Variants in PPP1R9A observed in about 807,000 individuals in gnomAD.
The protein encoded by PPP1R9A is neurabin-1.
In PPP1R9A, 59 loss-of-function variants were observed where a neutral mutation model predicts 141.9. The observed-to-expected ratio is 0.42, with a 90% CI of 0.34 to 0.52. PPP1R9A has a LOEUF of 0.52. Ranked by LOEUF, PPP1R9A falls within the 20% of genes least tolerant of loss-of-function variation. The pLI is 0.10. For synonymous variants in PPP1R9A, 500 were observed against 569.7 expected (o/e 0.88, Z 1.74); for missense variants, 1,444 against 1,611.9 (o/e 0.90, Z 1.78).
chr7:94,931,146 A>G (rs941048631), intron 2 of PPP1R9A, among the ~76,000 whole-genome samples: 3 of 152,184 alleles, frequency 2.0e-5, no homozygotes, highest in African/African-American at 7.2e-5. Flanking sequence ...ATACATGAAT[A>G]TTATTCTTCA....
At chr7:94,961,081 ATATGAT>A (rs1431550018) in intron 2 of PPP1R9A, among the ~76,000 whole-genome samples, 4 of 151,552 alleles carry the variant, frequency 2.6e-5, no homozygotes, top group African/African-American at 9.7e-5. Context: ...TTGAGTAGTG[ATATGAT>A]GTATTTAGTC....
intron 2 of PPP1R9A, among the ~76,000 whole-genome samples, chr7:94,984,917 G>A (rs184420011): frequency 2.4e-4 from 37 of 152,126 alleles, no homozygotes; most frequent in African/African-American, 8.2e-4. Flanking sequence ...TCTTTTAATT[G>A]TGATGTTAGG....
Position 94,956,855 on chromosome 7 carries a change from T to C in PPP1R9A, c.1395+45347T>C, listed in dbSNP as rs377103135. Among the ~76,000 whole-genome samples the C allele has an allele frequency of 7.9e-5, 12 of 152,246 alleles. No homozygotes were observed. The South Asian group carries it at 2.3e-3, about 29-fold the overall frequency. On this transcript the variant is annotated intron_variant, in intron 2 of 19. Coordinates refer to ENST00000433360, the MANE Select transcript of PPP1R9A (RefSeq NM_001166160.2). ...ATGTTTTGAATAGAAATCAACCAGA[T>C]GAGCTAGCATTAAAGTTTGGATTCC...
chr7:95,286,279 C>T lies in PPP1R9A; in HGVS notation c.3683C>T (p.Pro1228Leu), dbSNP rs1456128280. Residue 1228 changes from proline (P) to leucine (L), a missense_variant, in exon 18 of 20, where the codon CCT (proline) becomes CTT (leucine). By Grantham distance (98) the Pro-to-Leu change is moderately conservative. This residue lies in a region of PPP1R9A where 459 missense variants were observed against 513.8 expected (regional missense o/e 0.89). Transcript: ENST00000433360. The stretch of plus-strand genomic sequence containing the variant: ...GACCTCAGCGGCTTAGGAGCAGAAC[C>T]TAAAACACCAGGGCTCTCTCAGTCC... ...SADLSGLGAE[P>L]KTPGLSQSLA... 1 of 1,613,668 alleles carries T rather than the reference C, an allele frequency of 6.2e-7. No individual in the cohort carries two copies. Among genetic ancestry groups the T allele is most frequent in the Non-Finnish European group, 8.5e-7 (1 of 1,179,716 alleles).
At chr7:95,075,938 A>G (rs1563201947) in intron 2 of PPP1R9A, among the ~76,000 whole-genome samples, 1 of 152,182 alleles carries the variant, frequency 6.6e-6, no homozygotes, top group Non-Finnish European at 1.5e-5. Context: ...TAGAAAATGT[A>G]TAGTAATTAA....
At chr7:94,984,209 G>A (rs1396256088) in intron 2 of PPP1R9A, among the ~76,000 whole-genome samples, 1 of 152,138 alleles carries the variant, frequency 6.6e-6, no homozygotes, top group African/African-American at 2.4e-5. Flanking sequence ...TAAGCTTTTT[G>A]ATGTGCTGCT....
chr7:95,093,357 C>A (rs1817611240), intron 2 of PPP1R9A, among the ~76,000 whole-genome samples: 1 of 152,152 alleles, frequency 6.6e-6, no homozygotes, highest in Admixed American at 6.5e-5. Flanking sequence ...TATTTAAATC[C>A]ATTCTCCAGC....
chr7:95,263,508 C>G (rs1295199207), intron 12 of PPP1R9A, among the ~76,000 whole-genome samples: 1 of 152,040 alleles, frequency 6.6e-6, no homozygotes, highest in South Asian at 2.1e-4. Flanking sequence ...GATCTTGGCT[C>G]ACTGCAACCT....
At chr7:95,190,687 A>G (rs1008164528) in intron 5 of PPP1R9A, among the ~76,000 whole-genome samples, 6 of 152,216 alleles carry the variant, frequency 3.9e-5, no homozygotes, top group Admixed American at 2.6e-4. Flanking sequence ...AGAGAGCCCC[A>G]GAGTTTTTGG....
intron 2 of PPP1R9A, among the ~76,000 whole-genome samples, chr7:94,993,069 A>G (rs1392833683): frequency 6.6e-6 from 1 of 151,434 alleles, no homozygotes; most frequent in Non-Finnish European, 1.5e-5. Flanking sequence ...GTTGAGAGGT[A>G]TGGATTAGTA....
intron 12 of PPP1R9A, among the ~76,000 whole-genome samples, chr7:95,265,618 TTG>T (rs1431180090): frequency 6.6e-6 from 1 of 152,180 alleles, no homozygotes; most frequent in Non-Finnish European, 1.5e-5. Flanking sequence ...TAGGTGCTTC[TTG>T]TGGACAGTAT....
chr7:95,121,755 A>G (rs576996781), intron 4 of PPP1R9A, among the ~76,000 whole-genome samples: 1 of 152,262 alleles, frequency 6.6e-6, no homozygotes, highest in South Asian at 2.1e-4. Context: ...GCAAAGGCCA[A>G]GTGAGAGAGA....
intron 2 of PPP1R9A, among the ~76,000 whole-genome samples, chr7:95,013,211 T>C (rs1365807900): frequency 1.3e-5 from 2 of 152,150 alleles, no homozygotes; most frequent in Non-Finnish European, 2.9e-5. Flanking sequence ...ATGGTTTTAT[T>C]TGAAGGATAG....
At chr7:94,977,154 T>C (rs1799542412) in intron 2 of PPP1R9A, among the ~76,000 whole-genome samples, 2 of 152,260 alleles carry the variant, frequency 1.3e-5, no homozygotes, top group South Asian at 4.1e-4. Flanking sequence ...CATATTAAAC[T>C]TGAGGTGCCT....
At chr7:95,003,674 C>T (rs1803237644) in intron 2 of PPP1R9A, among the ~76,000 whole-genome samples, 1 of 152,150 alleles carries the variant, frequency 6.6e-6, no homozygotes, top group South Asian at 2.1e-4. Flanking sequence ...CCTGGCTACT[C>T]TTTACAATCA....
chr7:94,945,422 T>C (rs964723226), intron 2 of PPP1R9A, among the ~76,000 whole-genome samples: 6 of 152,176 alleles, frequency 3.9e-5, no homozygotes, highest in Admixed American at 3.9e-4. Flanking sequence ...GAGGGACATA[T>C]ATTAGGGAGA....
rs752365822 is a variant in PPP1R9A at position 94,910,188 on chromosome 7, T to G, written c.75T>G (p.Thr25=). 1 of 1,614,042 alleles carries G rather than the reference T, an allele frequency of 6.2e-7. No individual in the cohort carries two copies. Among genetic ancestry groups the G allele is most frequent in the Admixed American group, 1.7e-5 (1 of 60,028 alleles). ...CTCCTCACAGGAATGCATATCGAAC[T>G]GAGTTTCAGGCACTGAAAAGTACCT... ...SASPHRNAYR[T]EFQALKSTFD... is the part of the protein sequence containing the mutation. Residue 25 remains threonine, a synonymous_variant, in exon 2 of 20, where the codon ACT becomes ACG. Coordinates refer to ENST00000433360, the MANE Select transcript of PPP1R9A (RefSeq NM_001166160.2). The surrounding 1 kb of genome is among the most constrained non-coding windows in gnomAD (Gnocchi z 4.5).
At chr7:95,096,406 C>G (rs1201007568) in intron 2 of PPP1R9A, among the ~76,000 whole-genome samples, 1 of 152,016 alleles carries the variant, frequency 6.6e-6, no homozygotes, top group Non-Finnish European at 1.5e-5. Flanking sequence ...CATATTCTTG[C>G]CTTCCTTCTT....
intron 2 of PPP1R9A, among the ~76,000 whole-genome samples, chr7:94,941,995 C>T (rs1374543944): frequency 2.0e-5 from 3 of 151,860 alleles, no homozygotes; most frequent in Non-Finnish European, 4.4e-5. Flanking sequence ...TGGTTTGGTA[C>T]ATCACATGAA....
Sources: allele counts gnomAD v4.1 joint callset (sites outside exome capture counted in the v4.1 genomes callset), GRCh38; gene constraint gnomAD v4.1.1; regional missense constraint gnomAD v4.1.1; non-coding constraint Gnocchi (gnomAD v3.1); transcripts MANE v1.5; gene names NCBI Gene and HGNC (gene_info 2026-07-23, HGNC 2026-07-21).